NAV2: variants seen among roughly 807,000 people sequenced by gnomAD.
The protein encoded by NAV2 is neuron navigator 2, also known as helicase, APC down-regulated 1.
In NAV2, 54 loss-of-function variants were observed where a neutral mutation model predicts 223.2. The observed-to-expected ratio is 0.24, with a 90% CI of 0.19 to 0.30. NAV2 has a LOEUF of 0.30. Ranked by LOEUF, NAV2 falls within the 10% of genes least tolerant of loss-of-function variation. The probability of loss-of-function intolerance (pLI) is 1.00; values close to 1 mark genes in which losing one functional copy is unlikely to be tolerated. For missense variants in NAV2, 2,806 were observed against 3,147.5 expected, an observed-to-expected ratio of 0.89 and a Z score of 2.60; for synonymous variants, 1,279 against 1,239.3, an observed-to-expected ratio of 1.03 and a Z score of -0.67.
At chr11:19,735,265 G>A (rs2052174687) in intron 1 of NAV2, among the ~76,000 whole-genome samples, 1 of 152,202 alleles carries the variant, frequency 6.6e-6, no homozygotes, top group South Asian at 2.1e-4. Flanking sequence ...CAGGATGGCA[G>A]TGAGCTTAGC....
rs1564977243 is a variant in NAV2, at chr11:20,068,575, T to C, written c.4983+177T>C. Among the ~76,000 whole-genome samples, 4 of 152,206 alleles carry C rather than the reference T, an allele frequency of 2.6e-5. No individual in the cohort carries two copies. In the South Asian group the frequency reaches 6.2e-4, roughly 24 times the overall value. ...TGGACACTTACTGGCTTTGTGACTT[T>C]GGGTAAGTTCTTGAATCTCAGCCTG... On this transcript the variant is annotated intron_variant, in intron 22 of 37. Coordinates refer to ENST00000349880, the MANE Select transcript of NAV2 (RefSeq NM_145117.5).
At chr11:19,669,359 A>C (rs1178763716) in intron 1 of NAV2, among the ~76,000 whole-genome samples, 1 of 152,120 alleles carries the variant, frequency 6.6e-6, no homozygotes, top group Non-Finnish European at 1.5e-5. Flanking sequence ...TTCCTTCTTC[A>C]CTGAGTCACT....
At chr11:19,529,940 C>T (rs1053689883) in intron 1 of NAV2, among the ~76,000 whole-genome samples, 1 of 152,232 alleles carries the variant, frequency 6.6e-6, no homozygotes. Context: ...TTGACCTCCT[C>T]CTCTAGGGGT....
chr11:19,385,753 CTTTT>C (rs201669772), intron 1 of NAV2, among the ~76,000 whole-genome samples: 113 of 112,734 alleles, frequency 1.0e-3, no homozygotes, highest in African/African-American at 4.0e-3. Context: ...AATATAGCTC[CTTTT>C]TTTTTTTTTT....
In NAV2 at chr11:20,062,852, G is replaced by A. The variant is rs569921857; in HGVS notation, c.4884+493G>A. Among the ~76,000 whole-genome samples, 55 of 152,164 alleles carry A rather than the reference G, an allele frequency of 3.6e-4. No homozygotes were observed. In the Middle Eastern group the frequency reaches 0.01, roughly 28 times the overall value. ...TGGGACTATAGGCATGTGCCACCAC[G>A]CCCAGCTAATTTTTGTATTTTTAGT... is the stretch of plus-strand genomic sequence containing the variant. On this transcript the variant is annotated intron_variant, in intron 20 of 37. Transcript: ENST00000349880.
chr11:19,748,072 C>G (rs1192276508), intron 1 of NAV2, among the ~76,000 whole-genome samples: 1 of 152,182 alleles, frequency 6.6e-6, no homozygotes, highest in Non-Finnish European at 1.5e-5. Flanking sequence ...GGGGAAGGCT[C>G]TGATGTCAAA....
chr11:19,858,785 T>C (rs188944678), intron 3 of NAV2, among the ~76,000 whole-genome samples: 1 of 152,290 alleles, frequency 6.6e-6, no homozygotes, highest in East Asian at 1.9e-4. Flanking sequence ...TAGTGACAAA[T>C]TACATATTCG....
intron 1 of NAV2, among the ~76,000 whole-genome samples, chr11:19,693,190 G>T (rs1042848243): frequency 6.6e-6 from 1 of 152,236 alleles, no homozygotes; most frequent in African/African-American, 2.4e-5. Flanking sequence ...TGTTTGAGGT[G>T]GTGCCTCTGC....
At chr11:19,909,621 G>C (rs1049904155) in intron 6 of NAV2, among the ~76,000 whole-genome samples, 2 of 152,124 alleles carry the variant, frequency 1.3e-5, no homozygotes, top group Non-Finnish European at 2.9e-5. Context: ...ACATCTCATG[G>C]TTTTCTGTGG....
intron 1 of NAV2, among the ~76,000 whole-genome samples, chr11:19,772,868 C>A (rs1187472013): frequency 6.6e-6 from 1 of 152,142 alleles, no homozygotes; most frequent in Non-Finnish European, 1.5e-5. Flanking sequence ...GAGTGGAAGA[C>A]CCCTGTTAAA....
intron 3 of NAV2, among the ~76,000 whole-genome samples, chr11:19,843,519 T>G (rs995698319): frequency 2.6e-5 from 4 of 152,230 alleles, no homozygotes; most frequent in African/African-American, 9.6e-5. Flanking sequence ...TAAAAATCTG[T>G]TCTTTTTCTT....
At chr11:19,423,094 G>A (rs1307421580) in intron 1 of NAV2, among the ~76,000 whole-genome samples, 1 of 152,210 alleles carries the variant, frequency 6.6e-6, no homozygotes, top group Non-Finnish European at 1.5e-5. Context: ...CTCAGTGCCT[G>A]ACACACAGTA....
At chr11:19,345,441 G>C in the NAV2 span, among the ~76,000 whole-genome samples, 1 of 152,340 alleles carries the variant, frequency 6.6e-6, no homozygotes, top group South Asian at 2.1e-4. This position sits in a 1 kb window ranked among gnomAD's most constrained non-coding sequence, Gnocchi z 5.2. Context: ...GCTCTGTGCT[G>C]AGCTCCGGGG....
At chr11:20,078,161 C>G in intron 24 of NAV2, 57 bp downstream of exon 24, 2 of 1,222,126 alleles carry the variant, frequency 1.6e-6, no homozygotes, top group Non-Finnish European at 2.4e-6. Flanking sequence ...AGGAGCCCTC[C>G]CCTGACATCA....
intron 6 of NAV2, among the ~76,000 whole-genome samples, chr11:19,924,218 G>A (rs1396593978): frequency 2.6e-5 from 4 of 151,424 alleles, no homozygotes; most frequent in East Asian, 1.9e-4. Flanking sequence ...ATAACATTAC[G>A]TGGGATTTAA....
At chr11:19,521,266 G>A (rs2043645823) in intron 1 of NAV2, among the ~76,000 whole-genome samples, 1 of 152,148 alleles carries the variant, frequency 6.6e-6, no homozygotes. Flanking sequence ...TGAGAGGAGG[G>A]TGAGGGGGCT....
intron 25 of NAV2, 64 bp from the exon 26 acceptor site, chr11:20,082,943 C>G: frequency 1.4e-6 from 2 of 1,455,966 alleles, no homozygotes; most frequent in South Asian, 2.7e-5. Context: ...GTGCATGTCT[C>G]TGTTTTGCCA....
At chr11:19,560,597 A>C (rs2045059549) in intron 1 of NAV2, among the ~76,000 whole-genome samples, 1 of 152,266 alleles carries the variant, frequency 6.6e-6, no homozygotes, top group African/African-American at 2.4e-5. Context: ...ACATGCTGTG[A>C]ATATAAGTTT....
At chr11:19,664,462 A>G (rs1191934418) in intron 1 of NAV2, among the ~76,000 whole-genome samples, 1 of 152,326 alleles carries the variant, frequency 6.6e-6, no homozygotes, top group East Asian at 1.9e-4. Flanking sequence ...ATGACTGGTC[A>G]GCAGAATATT....
Sources: allele counts gnomAD v4.1 joint callset (sites outside exome capture counted in the v4.1 genomes callset), GRCh38; gene constraint gnomAD v4.1.1; non-coding constraint Gnocchi (gnomAD v3.1); transcripts MANE v1.5; gene names NCBI Gene and HGNC (gene_info 2026-07-23, HGNC 2026-07-21).